Variants in ANK3 observed in about 807,000 individuals in gnomAD.
ANK3 encodes ankyrin 3, also known as ankyrin-3.
ANK3 carries 57 observed loss-of-function variants against 370.9 expected under a neutral mutation model. The observed-to-expected ratio is 0.15, with a 90% CI of 0.12 to 0.19. The LOEUF (loss-of-function observed/expected upper bound fraction) is 0.19. Ranked by LOEUF, ANK3 falls within the 10% of genes least tolerant of loss-of-function variation. The probability of loss-of-function intolerance (pLI) is 1.00; values close to 1 mark genes in which losing one functional copy is unlikely to be tolerated. For missense variants in ANK3, 4,439 were observed against 5,302.1 expected, an observed-to-expected ratio of 0.84 and a Z score of 5.06; for synonymous variants, 1,929 against 1,946.3, an observed-to-expected ratio of 0.99 and a Z score of 0.23.
chr10:60,410,069 T>C (rs992897027), intron 2 of ANK3, among the ~76,000 whole-genome samples: 1 of 152,086 alleles, frequency 6.6e-6, no homozygotes, highest in Non-Finnish European at 1.5e-5. Flanking sequence ...AAGTATTGAA[T>C]TTTGATATTC....
intron 1 of ANK3, among the ~76,000 whole-genome samples, chr10:60,709,662 G>A (rs996540442): frequency 6.6e-5 from 10 of 151,666 alleles, no homozygotes; most frequent in East Asian, 3.9e-4. Flanking sequence ...CTGTCTCTAC[G>A]AAAATAAAAA....
At chr10:60,262,771 G>A (rs2097825993) in intron 6 of ANK3, among the ~76,000 whole-genome samples, 1 of 152,150 alleles carries the variant, frequency 6.6e-6, no homozygotes, top group Non-Finnish European at 1.5e-5. Flanking sequence ...CCTAAAAAAC[G>A]AGTCCTGGAT....
chr10:60,559,800 T>A (rs2077292979), intron 2 of ANK3, among the ~76,000 whole-genome samples: 1 of 152,146 alleles, frequency 6.6e-6, no homozygotes, highest in South Asian at 2.1e-4. Flanking sequence ...ACACATTAGT[T>A]TAATACAACC....
At chr10:60,324,613 T>C (rs1263840793) in intron 1 of ANK3, among the ~76,000 whole-genome samples, 1 of 152,156 alleles carries the variant, frequency 6.6e-6, no homozygotes, top group African/African-American at 2.4e-5. Flanking sequence ...AGCTGCAGTT[T>C]GAAATCTTTC....
At chr10:60,360,951 A>T (rs901280109) in intron 1 of ANK3, among the ~76,000 whole-genome samples, 9 of 152,196 alleles carry the variant, frequency 5.9e-5, no homozygotes, top group African/African-American at 2.2e-4. Flanking sequence ...TCTAAGAAAG[A>T]TTGGTGAAAA....
In ANK3 at chr10:60,173,135, C is replaced by T. The variant is rs1370176023; in HGVS notation, c.2236G>A (p.Val746Ile). ...GCAGAATGCTGGAGCAGGAAATTAA[C>T]AATCTTGATATTTCCATAGTGGCAG... is the stretch of plus-strand genomic sequence containing the variant. ...VGCHYGNIKI[V>I]NFLLQHSAKV... Residue 746 changes from valine (V) to isoleucine (I), a missense_variant, in exon 19 of 44, where the codon GTT (valine) becomes ATT (isoleucine). Physicochemically the swap from Val to Ile is conservative, Grantham distance 29 (BLOSUM62 3). Around this residue, in one of 13 missense-constraint regions of ANK3, gnomAD observed 702 missense variants for 941.5 expected, o/e 0.75. Coordinates refer to ENST00000280772, the MANE Select transcript of ANK3 (RefSeq NM_020987.5). 2.5e-6 allele frequency: 4 copies of T among 1,614,102 alleles called. No homozygotes were observed. Among genetic ancestry groups the T allele is most frequent in the South Asian group, 2.2e-5 (2 of 91,086 alleles).
At chr10:60,410,304 A>G (rs1047945087) in intron 2 of ANK3, among the ~76,000 whole-genome samples, 11 of 151,838 alleles carry the variant, frequency 7.2e-5, no homozygotes, top group Non-Finnish European at 1.3e-4. Context: ...AAAAGACATT[A>G]CTCATAGTTG....
At chr10:60,230,346 G>A (rs147147837) in intron 8 of ANK3, among the ~76,000 whole-genome samples, 2 of 152,244 alleles carry the variant, frequency 1.3e-5, no homozygotes, top group Non-Finnish European at 2.9e-5. Context: ...AAGAAACGAA[G>A]CCATTGTGAT....
At chr10:60,342,204 A>G (rs951090421) in intron 1 of ANK3, among the ~76,000 whole-genome samples, 3 of 152,188 alleles carry the variant, frequency 2.0e-5, no homozygotes, top group African/African-American at 7.2e-5. Flanking sequence ...CTGAAATTAA[A>G]TATCTCCTAC....
chr10:60,304,871 T>C (rs569200421), intron 1 of ANK3, among the ~76,000 whole-genome samples: 1 of 152,164 alleles, frequency 6.6e-6, no homozygotes, highest in East Asian at 1.9e-4. Flanking sequence ...ATGCACAGGG[T>C]AGGCACTTAG....
At chr10:60,318,452 G>A (rs1293658193) in intron 1 of ANK3, among the ~76,000 whole-genome samples, 1 of 152,100 alleles carries the variant, frequency 6.6e-6, no homozygotes, top group Non-Finnish European at 1.5e-5. Flanking sequence ...TAATGGGATC[G>A]ACTTTACCTC....
rs181489561 is a variant in ANK3 at position 60,352,491 on chromosome 10, T to C, written c.114+36934A>G. ...AGATGTATAATCTAATTTCAGTTAC[T>C]GCAGCACTTAGAAGTTCAAGTTAAT... is the stretch of plus-strand genomic sequence containing the variant. On this transcript the variant is annotated intron_variant, in intron 1 of 43. Coordinates refer to ENST00000280772, the MANE Select transcript of ANK3 (RefSeq NM_020987.5). Among the ~76,000 whole-genome samples, 7 of 152,280 alleles carry C rather than the reference T, an allele frequency of 4.6e-5. No homozygotes were observed. In the East Asian group the frequency reaches 1.4e-3, roughly 29 times the overall value.
chr10:60,238,535 C>T (rs1434227254), intron 7 of ANK3, among the ~76,000 whole-genome samples: 1 of 152,100 alleles, frequency 6.6e-6, no homozygotes, highest in Admixed American at 6.5e-5. Context: ...AGACCCCCAA[C>T]CCCTAGCACT....
intron 2 of ANK3, among the ~76,000 whole-genome samples, chr10:60,394,941 G>C (rs2063185477): frequency 6.6e-6 from 1 of 152,200 alleles, no homozygotes; most frequent in Admixed American, 6.5e-5. Flanking sequence ...TTCAAGCAGA[G>C]TTTATATATA....
chr10:60,470,063 A>G (rs2065178737), intron 2 of ANK3, among the ~76,000 whole-genome samples: 1 of 152,114 alleles, frequency 6.6e-6, no homozygotes. Flanking sequence ...TTCCTCTTAT[A>G]GATGGGAAAA....
chr10:60,226,954 G>C (rs922148663), intron 8 of ANK3, among the ~76,000 whole-genome samples: 1 of 151,200 alleles, frequency 6.6e-6, no homozygotes, highest in East Asian at 1.9e-4. Context: ...AACTTAAGAA[G>C]AATAATATTT....
intron 1 of ANK3, among the ~76,000 whole-genome samples, chr10:60,660,198 G>A (rs777790217): frequency 8.6e-5 from 13 of 151,984 alleles, no homozygotes; most frequent in Non-Finnish European, 1.5e-4. Flanking sequence ...TTTATTCAAC[G>A]TCCTATTCAC....
intron 1 of ANK3, among the ~76,000 whole-genome samples, chr10:60,299,758 G>A (rs895450203): frequency 6.6e-6 from 1 of 152,048 alleles, no homozygotes; most frequent in African/African-American, 2.4e-5. Flanking sequence ...TAAACAAGAT[G>A]ACTTATTTAT....
intron 2 of ANK3, among the ~76,000 whole-genome samples, chr10:60,429,349 A>G (rs2063962290): frequency 6.6e-6 from 1 of 152,142 alleles, no homozygotes; most frequent in Admixed American, 6.5e-5. Context: ...GGACTTATAT[A>G]AGGAGATGTG....
Sources: gnomAD v4.1 joint callset for allele counts (sites outside exome capture counted in the v4.1 genomes callset) on GRCh38, gnomAD v4.1.1 for gene constraint, gnomAD v4.1.1 regional missense constraint, MANE v1.5 for transcripts, NCBI Gene and HGNC (gene_info 2026-07-23, HGNC 2026-07-21) for gene names.